The following BMAL1 variants were observed in gnomAD, a reference collection of about 807,000 sequenced individuals.
The protein encoded by BMAL1 is basic helix-loop-helix ARNT like 1, also known as basic helix-loop-helix ARNT-like protein 1.
At chr11:13,348,288 G>GT in the BMAL1 span, among the ~76,000 whole-genome samples, 3 of 152,326 alleles carry the variant, frequency 2.0e-5, no homozygotes, top group East Asian at 5.8e-4. Flanking sequence ...GTAGCAGATG[G>GT]GAGGGTTGGG....
At chr11:13,337,141 C>T in the BMAL1 span, among the ~76,000 whole-genome samples, 1 of 152,236 alleles carries the variant, frequency 6.6e-6, no homozygotes, top group African/African-American at 2.4e-5. Context: ...TCAGTCCTTT[C>T]TGTGTTTATG....
chr11:13,366,786 A>C, the BMAL1 span: 2 of 1,611,044 alleles, frequency 1.2e-6, no homozygotes, highest in African/African-American at 2.7e-5. Flanking sequence ...GCAAAAAGTG[A>C]GTACCAGAGA....
chr11:13,377,159 G>A, the BMAL1 span, among the ~76,000 whole-genome samples: 1 of 152,114 alleles, frequency 6.6e-6, no homozygotes, highest in Non-Finnish European at 1.5e-5. Flanking sequence ...TGCCCCTGCT[G>A]TCCACGCTGG....
At chr11:13,358,522 G>A in the BMAL1 span, 111 of 1,612,926 alleles carry the variant, frequency 6.9e-5, 1 homozygote, top group Admixed American at 1.3e-4. Context: ...AACATGCAAC[G>A]CAATGTCCAG....
At chr11:13,386,603 C>A in the BMAL1 span, 1 of 1,611,920 alleles carries the variant, frequency 6.2e-7, no homozygotes, top group Non-Finnish European at 8.5e-7. Flanking sequence ...CAGGTGAGAA[C>A]CCCCACATAG....
At chr11:13,330,175 C>T in the BMAL1 span, among the ~76,000 whole-genome samples, 11 of 152,282 alleles carry the variant, frequency 7.2e-5, no homozygotes, top group African/African-American at 2.6e-4. Flanking sequence ...GGCCTTGATT[C>T]CTTGCTACAG....
At chr11:13,286,289 A>C in the BMAL1 span, among the ~76,000 whole-genome samples, 1 of 152,294 alleles carries the variant, frequency 6.6e-6, no homozygotes, top group Non-Finnish European at 1.5e-5. Context: ...TCAGTCTGTT[A>C]AAGTTTTATA....
the BMAL1 span, among the ~76,000 whole-genome samples, chr11:13,345,028 C>T: frequency 1.3e-5 from 2 of 152,184 alleles, no homozygotes; most frequent in African/African-American, 4.8e-5. Context: ...GATCAGTAAG[C>T]ACATGGATAC....
the BMAL1 span, among the ~76,000 whole-genome samples, chr11:13,369,955 C>T: frequency 6.6e-6 from 1 of 152,090 alleles, no homozygotes; most frequent in Non-Finnish European, 1.5e-5. Flanking sequence ...AGCTGAAAAG[C>T]CTGATGGCAG....
the BMAL1 span, chr11:13,380,949 G>A: frequency 4.1e-5 from 22 of 532,884 alleles, no homozygotes; most frequent in South Asian, 1.0e-4. Context: ...ACACCGATTC[G>A]TATCTGTGGC....
the BMAL1 span, among the ~76,000 whole-genome samples, chr11:13,290,451 G>A: frequency 3.4e-4 from 52 of 152,294 alleles, no homozygotes; most frequent in African/African-American, 1.2e-3. Flanking sequence ...ACCTTGATTA[G>A]CCTGGGGGAT....
the BMAL1 span, chr11:13,376,891 T>C: frequency 1.6e-6 from 1 of 616,634 alleles, no homozygotes; most frequent in Non-Finnish European, 2.8e-6. Flanking sequence ...CAGAGGACAC[T>C]GTCATGTCAC....
At chr11:13,345,364 C>G in the BMAL1 span, among the ~76,000 whole-genome samples, 2 of 152,202 alleles carry the variant, frequency 1.3e-5, no homozygotes, top group Admixed American at 1.3e-4. Context: ...CTGATGAACT[C>G]CCTGATATTC....
At chr11:13,381,130 GAA>G in the BMAL1 span, 16 of 1,606,802 alleles carry the variant, frequency 1.0e-5, no homozygotes, top group African/African-American at 2.0e-4. Context: ...ACTGAAAAAA[GAA>G]AAGGCAGTGT....
At chr11:13,385,137 T>A in the BMAL1 span, among the ~76,000 whole-genome samples, 4 of 152,116 alleles carry the variant, frequency 2.6e-5, no homozygotes, top group African/African-American at 9.7e-5. Flanking sequence ...TGGGGGAGAT[T>A]TTGAGACAGA....
the BMAL1 span, among the ~76,000 whole-genome samples, chr11:13,370,717 C>T: frequency 6.6e-6 from 1 of 152,208 alleles, no homozygotes; most frequent in Non-Finnish European, 1.5e-5. Context: ...CCACATGCTC[C>T]CCACCCCCAA....
chr11:13,279,232 G>A, the BMAL1 span, among the ~76,000 whole-genome samples: 3 of 152,326 alleles, frequency 2.0e-5, no homozygotes, highest in African/African-American at 4.8e-5. Context: ...CCAAAAATCA[G>A]ATTCCGTATT....
chr11:13,382,814 G>A, the BMAL1 span, among the ~76,000 whole-genome samples: 2 of 152,126 alleles, frequency 1.3e-5, no homozygotes, highest in South Asian at 4.1e-4. Context: ...CTCAGCGTTC[G>A]TTTTATAAGT....
chr11:13,302,475 A>G, the BMAL1 span, among the ~76,000 whole-genome samples: 2 of 152,326 alleles, frequency 1.3e-5, no homozygotes, highest in East Asian at 3.9e-4. Flanking sequence ...CTGCAGCCTA[A>G]TGATTTTTGA....
Sources: gnomAD v4.1 joint callset for allele counts (sites outside exome capture counted in the v4.1 genomes callset) on GRCh38, gnomAD v4.1.1 for gene constraint, MANE v1.5 for transcripts, NCBI Gene and HGNC (gene_info 2026-07-23, HGNC 2026-07-21) for gene names.